Variants in CDK8 observed in about 807,000 individuals in gnomAD.
CDK8 encodes cyclin dependent kinase 8.
A neutral mutation model predicts 71.5 loss-of-function variants in CDK8; 29 were observed. That is an observed-to-expected ratio of 0.41 (90% CI 0.30 to 0.55). The LOEUF is 0.55. Among genes scored for constraint, CDK8 ranks in the 20% least tolerant of loss-of-function variants. CDK8 has a pLI of 0.37. For synonymous variants in CDK8, 161 were observed against 192.1 expected (o/e 0.84, Z 1.34); for missense variants, 288 against 572.6 (o/e 0.50, Z 5.07).
At chr13:26,372,387 T>C (rs1044816377) in intron 4 of CDK8, among the ~76,000 whole-genome samples, 1 of 152,158 alleles carries the variant, frequency 6.6e-6, no homozygotes, top group Non-Finnish European at 1.5e-5. Flanking sequence ...AGAAAAACTT[T>C]TTGAACGTAT....
At chr13:26,355,777 G>GA (rs567631464) in intron 4 of CDK8, among the ~76,000 whole-genome samples, 113 of 152,100 alleles carry the variant, frequency 7.4e-4, no homozygotes, top group African/African-American at 2.6e-3. Flanking sequence ...ATCTCTAAAA[G>GA]AAAAAACTGT....
chr13:26,365,769 T>A (rs7336578), intron 4 of CDK8, among the ~76,000 whole-genome samples: 5,380 of 152,032 alleles, frequency 0.035, 309 homozygotes, highest in African/African-American at 0.12. Flanking sequence ...TCCAAAAACC[T>A]GGACAGATAG....
chr13:26,302,351 C>G lies in CDK8; in HGVS notation c.129-35216C>G, dbSNP rs112850561. On this transcript the variant is annotated intron_variant, in intron 1 of 12. Transcript: ENST00000381527. ...TTCAAGGTTTCACCCAAAGGGTCTT[C>G]CCAATTTTTTTGCATTTGAGTTTCC... Among the ~76,000 whole-genome samples, 1,027 of 152,284 alleles carry G rather than the reference C, an allele frequency of 6.7e-3. 4 individuals are homozygous for G. The highest frequency in any genetic ancestry group is 0.022 in the African/African-American group (931 of 41,564).
At chr13:26,277,136 C>T (rs999977042) in intron 1 of CDK8, among the ~76,000 whole-genome samples, 4 of 152,160 alleles carry the variant, frequency 2.6e-5, no homozygotes, top group Admixed American at 6.5e-5. Context: ...TTCCTATTTA[C>T]GTTGTGCTAA....
chr13:26,378,414 G>GT (rs1195279288), intron 4 of CDK8, among the ~76,000 whole-genome samples: 1 of 152,104 alleles, frequency 6.6e-6, no homozygotes, highest in Non-Finnish European at 1.5e-5. Context: ...ATATCAATGA[G>GT]TTTTTTGGGA....
At chr13:26,293,927 C>T (rs1873422734) in intron 1 of CDK8, among the ~76,000 whole-genome samples, 1 of 151,878 alleles carries the variant, frequency 6.6e-6, no homozygotes, top group Non-Finnish European at 1.5e-5. Flanking sequence ...CCAATCACTC[C>T]CCTCCTCCTC....
rs556890070 is a variant in CDK8 at position 26,328,569 on chromosome 13, A to G, written c.129-8998A>G. Among the ~76,000 whole-genome samples, 84 of 152,322 alleles carry G rather than the reference A, an allele frequency of 5.5e-4. 1 individual carries two copies. The South Asian group carries it at 0.013, about 24-fold the overall frequency. ...AATGCAGAGCTAGTCTAGAACTTCT[A>G]GCTTGCAAAACTCATTTTGAGAGGA... On this transcript the variant is annotated intron_variant, in intron 1 of 12. Coordinates refer to ENST00000381527, the MANE Select transcript of CDK8 (RefSeq NM_001260.3).
rs1874965508 is a variant in CDK8 at position 26,325,226 on chromosome 13, A to G, written c.129-12341A>G. ...AAATCTAGAATTAATAGTTCTAATA[A>G]TCTTTTGAATAAACTTACATCATTA... On this transcript the variant is annotated intron_variant, in intron 1 of 12. Coordinates refer to ENST00000381527, the MANE Select transcript of CDK8 (RefSeq NM_001260.3). Among the ~76,000 whole-genome samples, 6 of 152,214 alleles carry G rather than the reference A, an allele frequency of 3.9e-5. No individual in the cohort carries two copies. In the South Asian group the frequency reaches 1.2e-3, roughly 31 times the overall value.
At chr13:26,303,946 C>T (rs971764114) in intron 1 of CDK8, among the ~76,000 whole-genome samples, 1 of 152,036 alleles carries the variant, frequency 6.6e-6, no homozygotes, top group Non-Finnish European at 1.5e-5. Flanking sequence ...TACTATTTCC[C>T]CTCCTTTTAC....
intron 1 of CDK8, among the ~76,000 whole-genome samples, chr13:26,322,031 A>G (rs567226501): frequency 1.3e-5 from 2 of 152,276 alleles, no homozygotes; most frequent in African/African-American, 4.8e-5. Context: ...GATAAATGTT[A>G]TCATCATCAT....
At chr13:26,328,932 TA>T (rs892122444) in intron 1 of CDK8, among the ~76,000 whole-genome samples, 82 of 152,338 alleles carry the variant, frequency 5.4e-4, no homozygotes, top group African/African-American at 1.9e-3. Flanking sequence ...TTTCTACTTC[TA>T]GCATATTTTA....
chr13:26,256,812 C>T (rs1566459261), intron 1 of CDK8, among the ~76,000 whole-genome samples: 1 of 152,018 alleles, frequency 6.6e-6, no homozygotes, highest in Non-Finnish European at 1.5e-5. Context: ...GTTTGTTTTC[C>T]ATCAGTCTTT....
intron 1 of CDK8, among the ~76,000 whole-genome samples, chr13:26,273,659 T>TAA (rs1158751720): frequency 1.3e-5 from 2 of 151,288 alleles, no homozygotes; most frequent in African/African-American, 2.4e-5. Context: ...CCAGGTGCTT[T>TAA]AAAAAATATA....
At chr13:26,341,838 ATT>A (rs11356939) in intron 2 of CDK8, among the ~76,000 whole-genome samples, 5 of 151,606 alleles carry the variant, frequency 3.3e-5, no homozygotes, top group South Asian at 2.1e-4. Flanking sequence ...AGAAAATAAG[ATT>A]TTTTTTTTTC....
chr13:26,277,549 A>G (rs757936679), intron 1 of CDK8, among the ~76,000 whole-genome samples: 7 of 152,206 alleles, frequency 4.6e-5, no homozygotes, highest in Non-Finnish European at 1.0e-4. Context: ...GGCACACAAA[A>G]TGACAAGGAG....
intron 1 of CDK8, among the ~76,000 whole-genome samples, chr13:26,325,596 C>A (rs911835604): frequency 2.0e-5 from 3 of 151,998 alleles, no homozygotes; most frequent in African/African-American, 7.2e-5. Flanking sequence ...CTGAATGATT[C>A]TAAGGAAAGA....
Position 26,351,042 on chromosome 13 carries a change from A to G in CDK8, c.315+1860A>G, listed in dbSNP as rs1664766032. Among the ~76,000 whole-genome samples the G allele has an allele frequency of 1.3e-5, 2 of 152,130 alleles. 1 individual carries two copies. The highest frequency in any genetic ancestry group is 2.9e-5 in the Non-Finnish European group (2 of 68,014). ...AATAGGATAGCCAAAGTAATTTTGA[A>G]ACATAGTAACAAAATTGACATTCTT... On this transcript the variant is annotated intron_variant, in intron 3 of 12. Transcript: ENST00000381527.
intron 1 of CDK8, among the ~76,000 whole-genome samples, chr13:26,315,521 C>G (rs1206864883): frequency 6.6e-6 from 1 of 152,012 alleles, no homozygotes; most frequent in Non-Finnish European, 1.5e-5. Flanking sequence ...AGGGGATGTT[C>G]CTTCATTACT....
intron 1 of CDK8, among the ~76,000 whole-genome samples, chr13:26,297,516 A>C (rs2137911097): frequency 6.6e-6 from 1 of 152,272 alleles, no homozygotes; most frequent in South Asian, 2.1e-4. Flanking sequence ...CAGATTTCTA[A>C]ATGGGATAGT....
Sources: gnomAD v4.1 joint callset for allele counts (sites outside exome capture counted in the v4.1 genomes callset) on GRCh38, gnomAD v4.1.1 for gene constraint, MANE v1.5 for transcripts, NCBI Gene and HGNC (gene_info 2026-07-23, HGNC 2026-07-21) for gene names.